The following FGF14 variants were observed in gnomAD, a reference collection of about 807,000 sequenced individuals.
FGF14 encodes the protein fibroblast growth factor homologous factor 4.
A neutral mutation model predicts 25.5 loss-of-function variants in FGF14; 5 were observed. The ratio of observed to expected loss-of-function variants is 0.20; its 90% CI spans 0.10 to 0.41. The LOEUF (loss-of-function observed/expected upper bound fraction) is 0.41. FGF14 is among the 10% of genes least tolerant of loss of function. FGF14 has a pLI of 1.00. For synonymous variants in FGF14, 138 were observed against 118.3 expected, an observed-to-expected ratio of 1.17 and a Z score of -1.08; for missense variants, 222 against 320.1, an observed-to-expected ratio of 0.69 and a Z score of 2.34.
At chr13:102,157,154 CTACTT>C (rs1364689509) in intron 1 of FGF14, among the ~76,000 whole-genome samples, 2 of 152,172 alleles carry the variant, frequency 1.3e-5, no homozygotes, top group Non-Finnish European at 2.9e-5. Flanking sequence ...TTGGAAAAAA[CTACTT>C]TAAAGTTCAT....
intron 1 of FGF14, among the ~76,000 whole-genome samples, chr13:102,382,239 A>G (rs1044471352): frequency 2.0e-5 from 3 of 152,172 alleles, no homozygotes; most frequent in African/African-American, 4.8e-5. Flanking sequence ...CATATACCTG[A>G]TAAGAAACTT....
At chr13:101,774,362 C>T (rs1224821222) in intron 3 of FGF14, among the ~76,000 whole-genome samples, 2 of 152,120 alleles carry the variant, frequency 1.3e-5, no homozygotes, top group African/African-American at 2.4e-5. Flanking sequence ...CCCTTGGAAA[C>T]CAGTCGAGAT....
chr13:102,310,014 A>G (rs1190198771), intron 1 of FGF14, among the ~76,000 whole-genome samples: 2 of 152,146 alleles, frequency 1.3e-5, no homozygotes, highest in African/African-American at 2.4e-5. Flanking sequence ...CACTTCCACA[A>G]ACATCTCTGT....
intron 1 of FGF14, among the ~76,000 whole-genome samples, chr13:101,914,042 G>A (rs977464352): frequency 1.3e-5 from 2 of 151,818 alleles, no homozygotes; most frequent in Non-Finnish European, 2.9e-5. Flanking sequence ...ATTATTTTCA[G>A]CTATAAAGAC....
chr13:101,932,858 T>C (rs1211555060), intron 1 of FGF14, among the ~76,000 whole-genome samples: 1 of 150,674 alleles, frequency 6.6e-6, no homozygotes, highest in Non-Finnish European at 1.5e-5. Context: ...TTTAACACGG[T>C]GGACAAGTTT....
intron 3 of FGF14, among the ~76,000 whole-genome samples, chr13:101,867,914 ACACACACACACACACACACACGCG>A (rs2044806346): frequency 6.7e-6 from 1 of 149,932 alleles, no homozygotes; most frequent in African/African-American, 2.5e-5. Flanking sequence ...ACACACACAC[ACACACACACACACACACACACGCG>A]CACACACACA....
chr13:102,172,500 C>T (rs1018951791), intron 1 of FGF14, among the ~76,000 whole-genome samples: 2 of 152,110 alleles, frequency 1.3e-5, no homozygotes, highest in Non-Finnish European at 2.9e-5. Flanking sequence ...TCCACTCATA[C>T]CTGAATCTGA....
intron 1 of FGF14, among the ~76,000 whole-genome samples, chr13:101,915,176 C>A (rs2033339059): frequency 6.6e-6 from 1 of 152,116 alleles, no homozygotes; most frequent in South Asian, 2.1e-4. Flanking sequence ...AGCAAGTAAT[C>A]TCCAATTTCT....
chr13:101,944,952 C>T (rs2035708862), intron 1 of FGF14, among the ~76,000 whole-genome samples: 1 of 152,080 alleles, frequency 6.6e-6, no homozygotes, highest in African/African-American at 2.4e-5. Flanking sequence ...AAGAAAAGTT[C>T]TAGAGATGAA....
intron 1 of FGF14, among the ~76,000 whole-genome samples, chr13:101,945,262 G>A (rs9585817): frequency 0.096 from 14,643 of 152,154 alleles, 2,316 homozygotes; most frequent in African/African-American, 0.33. Context: ...AGGTTGCAGT[G>A]AGCCAAGATC....
intron 1 of FGF14, among the ~76,000 whole-genome samples, chr13:102,250,027 A>G (rs2052090927): frequency 6.6e-6 from 1 of 152,130 alleles, no homozygotes; most frequent in African/African-American, 2.4e-5. Context: ...GATCCTGCCT[A>G]TGTAAGAAGA....
intron 3 of FGF14, among the ~76,000 whole-genome samples, chr13:101,763,711 C>T (rs1243904304): frequency 6.6e-6 from 1 of 152,046 alleles, no homozygotes; most frequent in Non-Finnish European, 1.5e-5. Flanking sequence ...AATACAAAAA[C>T]TAGCCAGGTG....
intron 3 of FGF14, among the ~76,000 whole-genome samples, chr13:101,811,837 T>G (rs370273632): frequency 1.2e-4 from 18 of 152,250 alleles, no homozygotes; most frequent in Admixed American, 4.6e-4. Flanking sequence ...GCTGTTTGAA[T>G]GAGCCTCACT....
chr13:102,228,820 A>G (rs533217197), intron 1 of FGF14, among the ~76,000 whole-genome samples: 1 of 152,276 alleles, frequency 6.6e-6, no homozygotes, highest in Non-Finnish European at 1.5e-5. Context: ...TTCTAAACAT[A>G]GCACACCTCT....
At position 101,865,481 on chromosome 13, in the gene FGF14, G is replaced by T. The variant is rs530155058; in HGVS notation, c.408+3244C>A. On this transcript the variant is annotated intron_variant, in intron 3 of 4. Coordinates refer to ENST00000376143, the MANE Select transcript of FGF14 (RefSeq NM_004115.4). ...TGTATCCGACATTAAATCTCTTGTA[G>T]CACAATATCAAGTACCATATTGCAA... Among the ~76,000 whole-genome samples the T allele has an allele frequency of 3.3e-5, 5 of 152,112 alleles. No individual in the cohort carries two copies. In the East Asian group the frequency reaches 9.7e-4, roughly 29 times the overall value.
intron 1 of FGF14, among the ~76,000 whole-genome samples, chr13:101,928,026 A>G (rs888904562): frequency 3.9e-5 from 6 of 152,108 alleles, no homozygotes; most frequent in Admixed American, 1.3e-4. Flanking sequence ...AAAATATCTA[A>G]AAAAAATAGT....
intron 1 of FGF14, among the ~76,000 whole-genome samples, chr13:101,923,580 C>T (rs1406882005): frequency 6.6e-6 from 1 of 152,042 alleles, no homozygotes; most frequent in African/African-American, 2.4e-5. Flanking sequence ...TTCAAGATCA[C>T]ATTTTTTTCC....
At chr13:102,228,684 A>G (rs1047884679) in intron 1 of FGF14, among the ~76,000 whole-genome samples, 3 of 152,126 alleles carry the variant, frequency 2.0e-5, no homozygotes, top group African/African-American at 7.2e-5. Context: ...CATTTTACAG[A>G]TAAGAAAGCA....
chr13:101,823,818 T>C (rs1173035862), intron 3 of FGF14, among the ~76,000 whole-genome samples: 4 of 149,646 alleles, frequency 2.7e-5, no homozygotes, highest in Non-Finnish European at 5.9e-5. Flanking sequence ...TATGTACATA[T>C]ATCTTTTATA....
Sources: gnomAD v4.1 joint callset for allele counts (sites outside exome capture counted in the v4.1 genomes callset) on GRCh38, gnomAD v4.1.1 for gene constraint, MANE v1.5 for transcripts, NCBI Gene and HGNC (gene_info 2026-07-23, HGNC 2026-07-21) for gene names.